Variants in DNAH3 observed in about 807,000 individuals in gnomAD.
The protein encoded by DNAH3 is dynein axonemal heavy chain 3, also known as axonemal beta dynein heavy chain 3.
In DNAH3, 332 loss-of-function variants were observed where a neutral mutation model predicts 432.5. The ratio of observed to expected loss-of-function variants is 0.77; its 90% CI spans 0.70 to 0.84. The LOEUF is 0.84. DNAH3 is among the 40% of genes least tolerant of loss of function. The probability of loss-of-function intolerance (pLI) is 0.00; values close to 1 mark genes in which losing one functional copy is unlikely to be tolerated. For synonymous variants in DNAH3, 1,956 were observed against 1,900.2 expected (o/e 1.03, Z -0.76); for missense variants, 4,861 against 5,114.0 (o/e 0.95, Z 1.51).
chr16:21,156,200 ATTTATTTTATTTTATTTTATTTTATTAT>A, intron 1 of DNAH3, among the ~76,000 whole-genome samples: 1 of 75,766 alleles, frequency 1.3e-5, no homozygotes, highest in South Asian at 3.3e-4. Context: ...ATTTTATTTT[ATTTATTTTATTTTATTTTATTTTATTAT>A]TTTATTTTAT....
chr16:21,120,586 T>C (rs781527454), intron 11 of DNAH3: 10 of 661,070 alleles, frequency 1.5e-5, no homozygotes, highest in Non-Finnish European at 2.7e-5. Context: ...AAGCTAGGGC[T>C]GTGGGTGTCA....
At chr16:21,074,819 C>T (rs1567745742) in intron 21 of DNAH3, among the ~76,000 whole-genome samples, 1 of 152,220 alleles carries the variant, frequency 6.6e-6, no homozygotes, top group Non-Finnish European at 1.5e-5. Context: ...ATCCCTACCT[C>T]ACACCCTATC....
rs530437030 is a variant in DNAH3, at chr16:20,969,014, T to C, written c.8458+778A>G. 3.3e-5 allele frequency among the ~76,000 whole-genome samples: 5 copies of C among 152,218 alleles called. No individual in the cohort carries two copies. In the East Asian group the frequency reaches 9.6e-4, roughly 29 times the overall value. ...ATTTCTACCTGTTTCTCTCCCTTCA[T>C]GTCTTACTCTCTCCTGTATGTCTGC... is the stretch of plus-strand genomic sequence containing the variant. On this transcript the variant is annotated intron_variant, in intron 52 of 61. Coordinates refer to ENST00000261383, the Ensembl canonical transcript of DNAH3.
intron 14 of DNAH3, among the ~76,000 whole-genome samples, chr16:21,108,992 A>G (rs938780454): frequency 1.3e-5 from 2 of 151,376 alleles, no homozygotes; most frequent in South Asian, 4.2e-4. Flanking sequence ...GTGTGGTGGC[A>G]CACACCTGTA....
intron 6 of DNAH3, among the ~76,000 whole-genome samples, chr16:21,135,584 T>A (rs2092630791): frequency 6.6e-6 from 1 of 152,062 alleles, no homozygotes; most frequent in South Asian, 2.1e-4. Flanking sequence ...TCCCAGCTAC[T>A]CAGGAGGCTG....
chr16:20,936,218 T>C (rs1261125576), intron 60 of DNAH3, among the ~76,000 whole-genome samples: 5 of 151,978 alleles, frequency 3.3e-5, no homozygotes, highest in Non-Finnish European at 7.4e-5. Flanking sequence ...AATGGCGTGA[T>C]CTCGGCTCAC....
At position 20,955,058 on chromosome 16, in the gene DNAH3, C is replaced by A. The variant is rs778332399; in HGVS notation, c.10827-1G>T. 2 of 1,601,490 alleles carry A rather than the reference C, an allele frequency of 1.2e-6. No individual in the cohort carries two copies. The highest frequency in any genetic ancestry group is 4.5e-5 in the East Asian group (2 of 44,634). ...TGATGGATAGCTGGTTAGCCAGAGT[C>A]TGGAAGAACAATGGACCCAACGTTT... is the stretch of plus-strand genomic sequence containing the variant. On this transcript the variant is annotated splice_acceptor_variant, in intron 54 of 61. Coordinates refer to ENST00000261383, the Ensembl canonical transcript of DNAH3. LOFTEE classifies it high-confidence loss of function.
At chr16:21,099,505 T>A (rs2078557845) in intron 16 of DNAH3, among the ~76,000 whole-genome samples, 1 of 152,230 alleles carries the variant, frequency 6.6e-6, no homozygotes, top group African/African-American at 2.4e-5. Flanking sequence ...CAGGTCTCAA[T>A]GAGAACTGCT....
At chr16:21,042,453 A>G (rs1273494881) in intron 31 of DNAH3, among the ~76,000 whole-genome samples, 1 of 152,222 alleles carries the variant, frequency 6.6e-6, no homozygotes, top group South Asian at 2.1e-4. Flanking sequence ...AACACCTAGC[A>G]TAGTACTTGA....
At chr16:21,134,229 G>C in intron 7 of DNAH3, 30 bp downstream of exon 8, 1 of 1,594,534 alleles carries the variant, frequency 6.3e-7, no homozygotes. Context: ...TCAAGAAAGG[G>C]AATGAAAAAA....
exon 18 of DNAH3, chr16:21,097,413 A>G: frequency 6.2e-7 from 1 of 1,613,964 alleles, no homozygotes; most frequent in Admixed American, 1.7e-5. Flanking sequence ...ACAGCTGCTC[A>G]TAAGGTACTT....
intron 7 of DNAH3, among the ~76,000 whole-genome samples, chr16:21,131,569 G>T (rs1441900344): frequency 6.6e-6 from 1 of 151,696 alleles, no homozygotes; most frequent in African/African-American, 2.4e-5. Context: ...AGAAAGAAAG[G>T]CCGGACGTGG....
intron 43 of DNAH3, among the ~76,000 whole-genome samples, chr16:20,999,331 AG>A (rs1161608180): frequency 6.6e-6 from 1 of 152,168 alleles, no homozygotes; most frequent in African/African-American, 2.4e-5. Flanking sequence ...CCATAAAAAT[AG>A]GGAGGGAGAG....
At chr16:20,983,126 AATTTTTT>A (rs1016266679) in intron 48 of DNAH3, among the ~76,000 whole-genome samples, 9 of 151,884 alleles carry the variant, frequency 5.9e-5, no homozygotes, top group African/African-American at 1.9e-4. Context: ...AAAAAATTTT[AATTTTTT>A]ATTTTTTATT....
rs771791969 is a variant in DNAH3, at chr16:21,040,358, A to ATCTTT, written c.4639-416_4639-415insAAAGA. On this transcript the variant is annotated intron_variant, in intron 32 of 61. Coordinates refer to ENST00000261383, the Ensembl canonical transcript of DNAH3. ...TCAGAAGAATCCCAAAGCCAGACAG[A>ATCTTT]TTTTTTTTTTTTTTTTTTTTTTTTT... is the stretch of plus-strand genomic sequence containing the variant. 3.5e-4 allele frequency among the ~76,000 whole-genome samples: 28 copies of ATCTTT among 79,744 alleles called. 4 individuals carry two copies. The highest frequency in any genetic ancestry group is 1.3e-3 in the African/African-American group (23 of 17,760). 52.3% of individuals were successfully genotyped at this position (79,744 alleles called of 152,430 possible).
intron 50 of DNAH3, among the ~76,000 whole-genome samples, chr16:20,976,179 A>T (rs2085581422): frequency 6.6e-6 from 1 of 152,010 alleles, no homozygotes; most frequent in South Asian, 2.1e-4. Context: ...GGTCTCTACA[A>T]AATTTTTTTT....
chr16:21,106,509 C>T (rs763895166), exon 15 of DNAH3: 3 of 1,606,056 alleles, frequency 1.9e-6, no homozygotes, highest in East Asian at 2.2e-5. Flanking sequence ...CTGCATAGTC[C>T]ATCAGGAACT....
At position 20,952,649 on chromosome 16, in the gene DNAH3, C is replaced by A. The variant is rs766605380; in HGVS notation, c.11072-100G>T. ...GTTAAGCATCATTATGGATCAAAAG[C>A]CTCTTTCAGGCTCATGAATATCAAG... On this transcript the variant is annotated intron_variant, in intron 55 of 61. Coordinates refer to ENST00000261383, the Ensembl canonical transcript of DNAH3. 9.6e-5 allele frequency: 74 copies of A among 772,874 alleles called. 1 individual carries two copies. Among genetic ancestry groups the A allele is most frequent in the Middle Eastern group, 3.7e-4 (1 of 2,732 alleles). The allele number at this position is 772,874 out of a possible 1,614,324, so 47.9% of individuals were successfully genotyped here. A position where few individuals can be genotyped will look rare whatever the true frequency, so the allele number is the denominator to read the frequency against.
intron 18 of DNAH3, among the ~76,000 whole-genome samples, chr16:21,092,599 A>T (rs990027398): frequency 3.3e-5 from 5 of 151,078 alleles, no homozygotes; most frequent in African/African-American, 1.2e-4. Context: ...AAGGCACAAC[A>T]CATGGGAAAA....
Sources: gnomAD v4.1 joint callset for allele counts (sites outside exome capture counted in the v4.1 genomes callset) on GRCh38, gnomAD v4.1.1 for gene constraint, MANE v1.5 for transcripts, NCBI Gene and HGNC (gene_info 2026-07-23, HGNC 2026-07-21) for gene names.